SPMIP4: variants seen among roughly 807,000 people sequenced by gnomAD.
The protein encoded by SPMIP4 is sperm-associated microtubule inner protein 4.
the SPMIP4 span, among the ~76,000 whole-genome samples, chr7:25,159,199 G>A: frequency 2.8e-4 from 43 of 152,314 alleles, no homozygotes; most frequent in Admixed American, 1.5e-3. Flanking sequence ...CTAAAGTGAC[G>A]CGAGTGTGGC....
the SPMIP4 span, among the ~76,000 whole-genome samples, chr7:25,133,083 T>TA: frequency 6.6e-6 from 1 of 152,248 alleles, no homozygotes; most frequent in Non-Finnish European, 1.5e-5. Flanking sequence ...ATGGAATTGT[T>TA]ACACCACTTC....
the SPMIP4 span, among the ~76,000 whole-genome samples, chr7:25,162,000 G>T: frequency 3.3e-5 from 5 of 152,036 alleles, no homozygotes; most frequent in Non-Finnish European, 7.4e-5. Context: ...GCTGGGAGTG[G>T]TGGCTCACGC....
chr7:25,155,193 C>G, the SPMIP4 span: 1 of 1,502,010 alleles, frequency 6.7e-7, no homozygotes, highest in Non-Finnish European at 8.9e-7. Context: ...GCAGATCTCT[C>G]TAAGATTTAT....
the SPMIP4 span, among the ~76,000 whole-genome samples, chr7:25,134,284 A>C: frequency 1.7e-4 from 25 of 150,412 alleles, no homozygotes; most frequent in Non-Finnish European, 7.4e-5. Flanking sequence ...ACAAAAACAA[A>C]ACACACACAC....
the SPMIP4 span, chr7:25,179,050 C>A: frequency 5.2e-6 from 6 of 1,146,172 alleles, no homozygotes; most frequent in South Asian, 1.0e-4. Flanking sequence ...CAAAAACAAA[C>A]AAACAAACAA....
chr7:25,166,851 T>C, the SPMIP4 span, among the ~76,000 whole-genome samples: 1 of 151,982 alleles, frequency 6.6e-6, no homozygotes, highest in African/African-American at 2.4e-5. Flanking sequence ...GCTGAGATCA[T>C]GCCACTGCAC....
At chr7:25,151,517 C>G in the SPMIP4 span, 1 of 903,090 alleles carries the variant, frequency 1.1e-6, no homozygotes, top group African/African-American at 1.7e-5. Context: ...GCCACCATGT[C>G]AAGCCTAGAT....
the SPMIP4 span, chr7:25,136,563 A>T: frequency 1.2e-6 from 2 of 1,614,138 alleles, no homozygotes; most frequent in Non-Finnish European, 1.7e-6. This position sits in a 1 kb window ranked among gnomAD's most constrained non-coding sequence, Gnocchi z 5.7. Flanking sequence ...TCTCTTCAAT[A>T]TCCTGGTTTT....
the SPMIP4 span, among the ~76,000 whole-genome samples, chr7:25,148,024 T>A: frequency 6.6e-6 from 1 of 152,030 alleles, no homozygotes; most frequent in Admixed American, 6.5e-5. Flanking sequence ...GCAGCTAAGT[T>A]ACACATTTTT....
At chr7:25,151,521 C>T in the SPMIP4 span, 2 of 932,798 alleles carry the variant, frequency 2.1e-6, no homozygotes, top group Non-Finnish European at 1.7e-6. Flanking sequence ...CCATGTCAAG[C>T]CTAGATTTTT....
chr7:25,132,404 A>G, the SPMIP4 span, among the ~76,000 whole-genome samples: 4 of 152,216 alleles, frequency 2.6e-5, no homozygotes. This position sits in a 1 kb window ranked among gnomAD's most constrained non-coding sequence, Gnocchi z 5.0. Flanking sequence ...ACTACTGTAT[A>G]TATCATTGAC....
chr7:25,168,229 T>C, the SPMIP4 span: 2 of 1,462,270 alleles, frequency 1.4e-6, no homozygotes, highest in Non-Finnish European at 1.9e-6. Flanking sequence ...GGACTCACAA[T>C]GGAAGTAAAG....
chr7:25,159,987 AT>A, the SPMIP4 span, among the ~76,000 whole-genome samples: 1 of 117,658 alleles, frequency 8.5e-6, no homozygotes, highest in African/African-American at 3.9e-5. Context: ...TTGATTCGAA[AT>A]GAAAAAAAAA....
chr7:25,168,576 C>G, the SPMIP4 span: 1 of 879,912 alleles, frequency 1.1e-6, no homozygotes, highest in Non-Finnish European at 1.7e-6. Context: ...CAGATTAAAT[C>G]TTCAGAACAC....
chr7:25,156,502 G>A, the SPMIP4 span, among the ~76,000 whole-genome samples: 2 of 152,106 alleles, frequency 1.3e-5, no homozygotes, highest in Admixed American at 6.6e-5. Context: ...AAAAAACCTA[G>A]AAGTTAATTT....
chr7:25,159,574 T>G, the SPMIP4 span, among the ~76,000 whole-genome samples: 1 of 152,228 alleles, frequency 6.6e-6, no homozygotes, highest in Non-Finnish European at 1.5e-5. Flanking sequence ...TCAGTAAAAT[T>G]GAATACACTG....
chr7:25,155,457 A>G, the SPMIP4 span, among the ~76,000 whole-genome samples: 2 of 152,200 alleles, frequency 1.3e-5, no homozygotes, highest in East Asian at 3.9e-4. Context: ...ATTCTTTGTC[A>G]GTGAGTAAGT....
the SPMIP4 span, chr7:25,168,537 T>G: frequency 1.6e-5 from 20 of 1,243,820 alleles, no homozygotes; most frequent in African/African-American, 2.3e-4. Context: ...ACAGATTGCA[T>G]AAAATTCCTA....
At chr7:25,175,258 T>A in the SPMIP4 span, among the ~76,000 whole-genome samples, 1 of 152,166 alleles carries the variant, frequency 6.6e-6, no homozygotes, top group South Asian at 2.1e-4. Context: ...TTGTATTGTT[T>A]TATTTTGTTT....
Sources: gnomAD v4.1 joint callset for allele counts (sites outside exome capture counted in the v4.1 genomes callset) on GRCh38, gnomAD v4.1.1 for gene constraint, Gnocchi (gnomAD v3.1) non-coding constraint, MANE v1.5 for transcripts, NCBI Gene and HGNC (gene_info 2026-07-23, HGNC 2026-07-21) for gene names.